KCNU1: variants seen among roughly 807,000 people sequenced by gnomAD.
KCNU1 encodes potassium channel subfamily U member 1.
A neutral mutation model predicts 126.8 loss-of-function variants in KCNU1; 93 were observed. The ratio of observed to expected loss-of-function variants is 0.73; its 90% CI spans 0.62 to 0.87. The LOEUF is 0.87. Among genes scored for constraint, KCNU1 ranks in the 40% least tolerant of loss-of-function variants. The probability of loss-of-function intolerance (pLI) is 0.00; values close to 1 mark genes in which losing one functional copy is unlikely to be tolerated. For synonymous variants in KCNU1, 523 were observed against 494.2 expected (o/e 1.06, Z -0.77); for missense variants, 1,330 against 1,367.1 (o/e 0.97, Z 0.43).
chr8:36,846,528 G>T (rs1245630073), intron 18 of KCNU1, among the ~76,000 whole-genome samples: 1 of 152,124 alleles, frequency 6.6e-6, no homozygotes, highest in Non-Finnish European at 1.5e-5. Flanking sequence ...CCTCAGTCGG[G>T]CACGGTGGCT....
At chr8:36,867,296 C>A (rs1003133219) in intron 19 of KCNU1, among the ~76,000 whole-genome samples, 1 of 152,084 alleles carries the variant, frequency 6.6e-6, no homozygotes, top group Non-Finnish European at 1.5e-5. Context: ...CAGTGGGAAT[C>A]TCAACTTCTG....
At chr8:36,812,799 A>G (rs920959445) in intron 7 of KCNU1, among the ~76,000 whole-genome samples, 14 of 152,172 alleles carry the variant, frequency 9.2e-5, no homozygotes, top group African/African-American at 3.4e-4. Context: ...AACTAAAGAG[A>G]TACTGAGAAA....
chr8:36,787,771 ATAAT>A (rs1171180569), intron 2 of KCNU1, among the ~76,000 whole-genome samples: 3 of 147,930 alleles, frequency 2.0e-5, no homozygotes, highest in African/African-American at 2.4e-5. Flanking sequence ...AGAATATTAT[ATAAT>A]TATTAGTAAT....
chr8:36,819,230 C>T (rs1330463964), intron 10 of KCNU1, among the ~76,000 whole-genome samples: 1 of 152,052 alleles, frequency 6.6e-6, no homozygotes, highest in Non-Finnish European at 1.5e-5. Context: ...CTAATTGCCT[C>T]CTGGATATTT....
At chr8:36,914,873 T>C (rs1808037381) in intron 22 of KCNU1, among the ~76,000 whole-genome samples, 1 of 152,228 alleles carries the variant, frequency 6.6e-6, no homozygotes, top group Non-Finnish European at 1.5e-5. Flanking sequence ...TCTTTTGTAA[T>C]AGCACCCTGC....
intron 25 of KCNU1, among the ~76,000 whole-genome samples, chr8:36,932,208 G>T (rs891196652): frequency 6.6e-6 from 1 of 152,026 alleles, no homozygotes; most frequent in Non-Finnish European, 1.5e-5. Context: ...TTGCATTTCC[G>T]TAGTCCCGGA....
chr8:36,893,115 C>A (rs1807035873), intron 19 of KCNU1, among the ~76,000 whole-genome samples: 2 of 151,416 alleles, frequency 1.3e-5, no homozygotes, highest in Non-Finnish European at 2.9e-5. Flanking sequence ...GTGTGAGCCA[C>A]CATGCCTAGC....
At chr8:36,787,662 T>C (rs1359063286) in intron 2 of KCNU1, among the ~76,000 whole-genome samples, 5 of 147,544 alleles carry the variant, frequency 3.4e-5, no homozygotes, top group Non-Finnish European at 3.0e-5. Context: ...ATTATTATAA[T>C]AATTTTATAA....
Position 36,935,598 on chromosome 8 carries a change from G to A in KCNU1, c.3128G>A (p.Cys1043Tyr). ...TGTGCCATACCCTTCAGCACTGCTTGTTATAAAAGGAATGAAGAGTTCTCA... is the reference window on the plus strand; with the variant it reads ...TGTGCCATACCCTTCAGCACTGCTTATTATAAAAGGAATGAAGAGTTCTCA... Reference protein sequence around the residue: ...VFCAIPFSTACYKRNEEFSLQ... With the variant: ...VFCAIPFSTAYYKRNEEFSLQ... The change falls in exon 27 of 27, where the codon TGT becomes TAT. Residue 1043 changes from cysteine to tyrosine, a missense_variant. By Grantham distance (194) the Cys-to-Tyr change is radical. Transcript: ENST00000399881. The A allele has an allele frequency of 6.2e-7, 1 of 1,613,228 alleles. No homozygotes were observed.
chr8:36,886,670 A>G (rs1806716725), intron 19 of KCNU1, among the ~76,000 whole-genome samples: 2 of 152,154 alleles, frequency 1.3e-5, no homozygotes, highest in Admixed American at 1.3e-4. Flanking sequence ...TGTCAGCTTT[A>G]GGGGTACAAG....
intron 19 of KCNU1, among the ~76,000 whole-genome samples, chr8:36,902,661 G>C (rs537900901): frequency 1.3e-5 from 2 of 152,224 alleles, no homozygotes; most frequent in Non-Finnish European, 2.9e-5. Flanking sequence ...GCGACTCTTA[G>C]ATAGAAAGAG....
intron 10 of KCNU1, among the ~76,000 whole-genome samples, chr8:36,833,271 A>AT (rs1028220296): frequency 6.6e-6 from 1 of 151,860 alleles, no homozygotes; most frequent in African/African-American, 2.4e-5. Context: ...TCTCCTTCTA[A>AT]TTTTTTTCAT....
At chr8:36,845,287 C>T (rs1048475613) in intron 16 of KCNU1, among the ~76,000 whole-genome samples, 7 of 152,118 alleles carry the variant, frequency 4.6e-5, no homozygotes, top group African/African-American at 1.7e-4. Context: ...CTGAGTTGGT[C>T]GGACCATCTC....
intron 19 of KCNU1, among the ~76,000 whole-genome samples, chr8:36,889,922 C>CT (rs2117440986): frequency 6.6e-6 from 1 of 152,174 alleles, no homozygotes; most frequent in East Asian, 1.9e-4. Context: ...TTATAGTTGT[C>CT]TTTTTGTCAG....
intron 7 of KCNU1, among the ~76,000 whole-genome samples, chr8:36,810,041 C>T (rs1003839491): frequency 1.4e-4 from 21 of 152,206 alleles, no homozygotes; most frequent in South Asian, 1.2e-3. Flanking sequence ...ATCACGAGGT[C>T]GAGAGATCAA....
At chr8:36,876,613 A>G (rs1806286645) in intron 19 of KCNU1, among the ~76,000 whole-genome samples, 1 of 151,708 alleles carries the variant, frequency 6.6e-6, no homozygotes, top group South Asian at 2.1e-4. Context: ...TCTTATCCCC[A>G]CCTCCAGATC....
chr8:36,834,199 A>G lies in KCNU1; in HGVS notation c.1212+540A>G, dbSNP rs574720726. Among the ~76,000 whole-genome samples, 6 of 152,356 alleles carry G rather than the reference A, an allele frequency of 3.9e-5. No homozygotes were observed. The South Asian group carries it at 1.2e-3, about 32-fold the overall frequency. The stretch of plus-strand genomic sequence containing the variant: ...AAAGGCAGCTTCCTGTCATGTTCTC[A>G]GTCTCGGAGAATCAACAAACAGAAA... On this transcript the variant is annotated intron_variant, in intron 11 of 26. Coordinates refer to ENST00000399881, the MANE Select transcript of KCNU1 (RefSeq NM_001031836.3).
Position 36,864,359 on chromosome 8 carries a change from T to A in KCNU1, c.1892-45T>A, listed in dbSNP as rs181712985. 2.4e-5 allele frequency: 28 copies of A among 1,154,518 alleles called. No individual in the cohort carries two copies. The East Asian group carries it at 6.3e-4, about 26-fold the overall frequency. 71.5% of individuals were successfully genotyped at this position (1,154,518 alleles called of 1,614,324 possible). A position where few individuals can be genotyped will look rare whatever the true frequency, so the allele number is the denominator to read the frequency against. On this transcript the variant is annotated intron_variant, in intron 18 of 26. Coordinates refer to ENST00000399881, the MANE Select transcript of KCNU1 (RefSeq NM_001031836.3). ...CAAGGGGAATATTCCAACAATCCCT[T>A]GTGAAGAGATGTGCCAACTCACTGA...
At chr8:36,919,139 A>T (rs139311160) in intron 23 of KCNU1, among the ~76,000 whole-genome samples, 1 of 152,196 alleles carries the variant, frequency 6.6e-6, no homozygotes, top group African/African-American at 2.4e-5. Flanking sequence ...CAGCAGAGGG[A>T]GGGGGACCAG....
Sources: gnomAD v4.1 joint callset for allele counts (sites outside exome capture counted in the v4.1 genomes callset) on GRCh38, gnomAD v4.1.1 for gene constraint, MANE v1.5 for transcripts, NCBI Gene and HGNC (gene_info 2026-07-23, HGNC 2026-07-21) for gene names.